The following FGF14 variants were observed in gnomAD, a reference collection of about 807,000 sequenced individuals.
FGF14 encodes fibroblast growth factor 14, also known as fibroblast growth factor homologous factor 4.
Under a neutral mutation model 25.5 loss-of-function variants are expected in FGF14, and 5 were observed. That is an observed-to-expected ratio of 0.20 (90% confidence interval 0.10 to 0.41). The LOEUF (loss-of-function observed/expected upper bound fraction) is 0.41. Ranked by LOEUF, FGF14 falls within the 10% of genes least tolerant of loss-of-function variation. The pLI is 1.00. For synonymous variants in FGF14, 138 were observed against 118.3 expected, an observed-to-expected ratio of 1.17 and a Z score of -1.08; for missense variants, 222 against 320.1, an observed-to-expected ratio of 0.69 and a Z score of 2.34.
At chr13:102,196,019 A>G (rs2049335639) in intron 1 of FGF14, among the ~76,000 whole-genome samples, 1 of 152,228 alleles carries the variant, frequency 6.6e-6, no homozygotes, top group Non-Finnish European at 1.5e-5. Context: ...GAATCCACAA[A>G]TGTCTCTTTG....
chr13:102,379,383 C>G (rs2058123814), intron 1 of FGF14, among the ~76,000 whole-genome samples: 1 of 151,542 alleles, frequency 6.6e-6, no homozygotes, highest in Non-Finnish European at 1.5e-5. Context: ...TTTGATTTAC[C>G]TGTACACTTA....
At chr13:102,372,453 G>A (rs1448050256) in intron 1 of FGF14, among the ~76,000 whole-genome samples, 1 of 152,132 alleles carries the variant, frequency 6.6e-6, no homozygotes, top group East Asian at 1.9e-4. Flanking sequence ...GAAGACTAGC[G>A]ATGAAGACAT....
chr13:101,713,125 G>A lies in FGF14; in HGVS notation c.*9706C>T, dbSNP rs1223107445. 6.6e-6 allele frequency: 1 copy of A among 152,190 alleles called. No individual in the cohort carries two copies. The highest frequency in any genetic ancestry group is 1.9e-4 in the East Asian group (1 of 5,190). The allele number at this position is 152,190 out of a possible 1,614,324, so 9.4% of individuals were successfully genotyped here. A position where few individuals can be genotyped will look rare whatever the true frequency, so the allele number is the denominator to read the frequency against. ...TACTTTGAGAAGTGTGTCAAGAAAT[G>A]GCAAACATTTAATTTGGACTTTGGG... On this transcript the variant is annotated 3_prime_UTR_variant, in exon 5 of 5. Coordinates refer to ENST00000376143, the MANE Select transcript of FGF14 (RefSeq NM_004115.4).
intron 1 of FGF14, among the ~76,000 whole-genome samples, chr13:102,343,780 T>C (rs936715990): frequency 6.6e-6 from 1 of 152,126 alleles, no homozygotes; most frequent in African/African-American, 2.4e-5. Context: ...TTTTTTAATA[T>C]CCTGTTAGAT....
intron 3 of FGF14, among the ~76,000 whole-genome samples, chr13:101,834,443 AGC>A (rs2042823366): frequency 2.0e-5 from 3 of 152,078 alleles, no homozygotes; most frequent in Non-Finnish European, 4.4e-5. Flanking sequence ...AAAAGATACA[AGC>A]TTTTACTTAA....
intron 1 of FGF14, among the ~76,000 whole-genome samples, chr13:101,941,571 C>T (rs2035453558): frequency 6.6e-6 from 1 of 152,158 alleles, no homozygotes; most frequent in African/African-American, 2.4e-5. Context: ...CCTGGGCCCT[C>T]TGCTGCCTGT....
chr13:101,738,648 A>G (rs1441157460), intron 3 of FGF14, among the ~76,000 whole-genome samples: 1 of 152,148 alleles, frequency 6.6e-6, no homozygotes, highest in Non-Finnish European at 1.5e-5. Flanking sequence ...CTGTGGGTTA[A>G]ATAACTCTAA....
chr13:102,088,805 T>C (rs1164954406), intron 1 of FGF14, among the ~76,000 whole-genome samples: 2 of 152,186 alleles, frequency 1.3e-5, no homozygotes, highest in African/African-American at 2.4e-5. Context: ...GCAAATATTA[T>C]AGAAAATGCT....
chr13:101,790,179 C>A (rs946632158), intron 3 of FGF14, among the ~76,000 whole-genome samples: 1 of 150,938 alleles, frequency 6.6e-6, no homozygotes, highest in African/African-American at 2.4e-5. Flanking sequence ...TTTTACCAAG[C>A]TTTATTTTTT....
At chr13:101,850,236 C>G (rs1338656914) in intron 3 of FGF14, among the ~76,000 whole-genome samples, 1 of 130,712 alleles carries the variant, frequency 7.7e-6, no homozygotes. Context: ...GAGTTCGAGA[C>G]CAGCCTGGCC....
At chr13:101,880,893 AT>A (rs1205157188) in intron 1 of FGF14, among the ~76,000 whole-genome samples, 3 of 152,180 alleles carry the variant, frequency 2.0e-5, no homozygotes, top group Non-Finnish European at 4.4e-5. Context: ...GGCAAAATGA[AT>A]TTTTTATATT....
chr13:101,850,732 T>C (rs2043804179), intron 3 of FGF14, among the ~76,000 whole-genome samples: 1 of 148,070 alleles, frequency 6.8e-6, no homozygotes, highest in South Asian at 2.1e-4. Context: ...AGAGAGAAGA[T>C]ATATAGAGTG....
At chr13:102,166,699 T>C (rs1475812111) in intron 1 of FGF14, among the ~76,000 whole-genome samples, 2 of 152,092 alleles carry the variant, frequency 1.3e-5, no homozygotes, top group African/African-American at 4.8e-5. Flanking sequence ...CAGACATGAG[T>C]TACAATGTCG....
At chr13:102,014,603 C>T (rs9585828) in intron 1 of FGF14, among the ~76,000 whole-genome samples, 76,427 of 151,950 alleles carry the variant, frequency 0.5, 22,697 homozygotes, top group African/African-American at 0.81. Flanking sequence ...TCAACTTTTT[C>T]CTCAGTCCAC....
At chr13:102,039,584 G>A (rs1036461054) in intron 1 of FGF14, among the ~76,000 whole-genome samples, 12 of 152,048 alleles carry the variant, frequency 7.9e-5, no homozygotes, top group African/African-American at 2.7e-4. Context: ...CTGTCATCGC[G>A]TGCTATTCTA....
chr13:101,889,310 G>A (rs2046150084), intron 1 of FGF14, among the ~76,000 whole-genome samples: 1 of 152,140 alleles, frequency 6.6e-6, no homozygotes. Flanking sequence ...GGACTATGTA[G>A]CTAACTATGA....
rs563297110 is a variant in FGF14 at position 102,369,113 on chromosome 13, C to T, written c.208+32358G>A. ...TTCCATGCAAAACTGGAATCATTGG[C>T]CCATTTACATGCCCAAGTCACAGCC... On this transcript the variant is annotated intron_variant, in intron 1 of 4. Coordinates refer to the FGF14 transcript ENST00000376131. Among the ~76,000 whole-genome samples the T allele has an allele frequency of 2.6e-5, 4 of 152,236 alleles. No individual in the cohort carries two copies. In the South Asian group the frequency reaches 6.2e-4, roughly 24 times the overall value.
At chr13:101,969,609 A>G (rs1594865087) in intron 1 of FGF14, among the ~76,000 whole-genome samples, 1 of 152,128 alleles carries the variant, frequency 6.6e-6, no homozygotes, top group Non-Finnish European at 1.5e-5. Flanking sequence ...CATTGCACAC[A>G]CTACATCCAC....
intron 3 of FGF14, among the ~76,000 whole-genome samples, chr13:101,755,321 G>T (rs2037572297): frequency 6.6e-6 from 1 of 151,840 alleles, no homozygotes; most frequent in South Asian, 2.1e-4. Flanking sequence ...TCTGTCAATT[G>T]CCTCTTAAAC....
Sources: allele counts gnomAD v4.1 joint callset (sites outside exome capture counted in the v4.1 genomes callset), GRCh38; gene constraint gnomAD v4.1.1; transcripts MANE v1.5; gene names NCBI Gene and HGNC (gene_info 2026-07-23, HGNC 2026-07-21).